The following SRGAP3 variants were observed in gnomAD, a reference collection of about 807,000 sequenced individuals.
SRGAP3 encodes the protein SLIT-ROBO Rho GTPase-activating protein 3.
SRGAP3 carries 39 observed loss-of-function variants against 121.1 expected under a neutral mutation model. The observed-to-expected ratio is 0.32, with a 90% CI of 0.25 to 0.42. The LOEUF is 0.42. SRGAP3 is among the 10% of genes least tolerant of loss of function. The pLI is 1.00. For synonymous variants in SRGAP3, 601 were observed against 570.0 expected (o/e 1.05, Z -0.77); for missense variants, 1,213 against 1,470.6 (o/e 0.82, Z 2.86).
intron 3 of SRGAP3, among the ~76,000 whole-genome samples, chr3:9,288,651 T>G (rs1243565665): frequency 6.6e-6 from 1 of 151,748 alleles, no homozygotes; most frequent in Non-Finnish European, 1.5e-5. Flanking sequence ...CAGAGCTTAC[T>G]GCAGCCTCCA....
In SRGAP3 at chr3:9,126,925, G is replaced by A. The variant is rs184605016; in HGVS notation, c.68-2008C>T. 1.7e-3 allele frequency among the ~76,000 whole-genome samples: 254 copies of A among 152,264 alleles called. 2 individuals are homozygous for A. The highest frequency in any genetic ancestry group is 2.9e-3 in the Non-Finnish European group (198 of 68,020). On this transcript the variant is annotated intron_variant, in intron 1 of 21. Transcript: ENST00000383836. ...ACACTTGTACTCCATAAATTTATAC[G>A]TAAATAAATACATGTACAAAGTTAT...
chr3:9,167,606 C>T (rs1229350275), intron 1 of SRGAP3, among the ~76,000 whole-genome samples: 1 of 152,138 alleles, frequency 6.6e-6, no homozygotes, highest in African/African-American at 2.4e-5. Flanking sequence ...CTTTCCCAAG[C>T]CCCTAGCTTT....
intron 1 of SRGAP3, among the ~76,000 whole-genome samples, chr3:9,351,680 G>A (rs1434027475): frequency 6.6e-6 from 1 of 152,088 alleles, no homozygotes; most frequent in Non-Finnish European, 1.5e-5. Context: ...CCTTTTTTAT[G>A]TTTAGATACA....
chr3:9,045,041 T>G (rs945424966), intron 10 of SRGAP3, among the ~76,000 whole-genome samples: 2 of 152,234 alleles, frequency 1.3e-5, no homozygotes, highest in African/African-American at 4.8e-5. Flanking sequence ...TTAATAATAA[T>G]GTACCATATT....
intron 1 of SRGAP3, among the ~76,000 whole-genome samples, chr3:9,335,375 AT>A (rs1356192144): frequency 1.3e-5 from 2 of 152,280 alleles, no homozygotes; most frequent in South Asian, 2.1e-4. Flanking sequence ...ATATTAACTA[AT>A]TTTTTTAAAT....
At chr3:9,325,493 A>G (rs1458850954) in intron 3 of SRGAP3, among the ~76,000 whole-genome samples, 1 of 151,988 alleles carries the variant, frequency 6.6e-6, no homozygotes, top group East Asian at 1.9e-4. Flanking sequence ...ACTTTCACAT[A>G]AGAATTTAAA....
At chr3:9,013,623 C>G in intron 16 of SRGAP3, 88 bp from the exon 17 acceptor site, 1 of 1,557,166 alleles carries the variant, frequency 6.4e-7, no homozygotes, top group Non-Finnish European at 8.8e-7. Flanking sequence ...CTATTCAAAT[C>G]CAGGAGGGTT....
chr3:9,111,428 C>T (rs985653469), intron 2 of SRGAP3, among the ~76,000 whole-genome samples: 2 of 152,184 alleles, frequency 1.3e-5, no homozygotes, highest in African/African-American at 2.4e-5. Context: ...TGGGCAAAGG[C>T]GCCTCAGGGC....
chr3:9,173,545 G>A (rs1398997391), intron 1 of SRGAP3, among the ~76,000 whole-genome samples: 3 of 152,174 alleles, frequency 2.0e-5, no homozygotes, highest in Non-Finnish European at 2.9e-5. Flanking sequence ...GAAGATGATG[G>A]GGAGAGGTGG....
Position 8,988,736 on chromosome 3 carries a change from G to C in SRGAP3, c.2886+1776C>G, listed in dbSNP as rs544948394. Among the ~76,000 whole-genome samples the C allele has an allele frequency of 6.0e-3, 828 of 137,070 alleles. 5 individuals carry two copies. Among genetic ancestry groups the C allele is most frequent in the African/African-American group, 0.025 (757 of 30,480 alleles). The allele number at this position is 137,070 out of a possible 152,430, so 89.9% of individuals were successfully genotyped here. ...CGTGGAAGACAATTTTTCCACAGAT[G>C]GGGGGTCAGGAGGATGCTTTCGGAT... On this transcript the variant is annotated intron_variant, in intron 21 of 21. Coordinates refer to ENST00000383836, the MANE Select transcript of SRGAP3 (RefSeq NM_014850.4).
intron 3 of SRGAP3, among the ~76,000 whole-genome samples, chr3:9,080,444 A>G (rs1278949498): frequency 6.6e-6 from 1 of 152,222 alleles, no homozygotes; most frequent in Non-Finnish European, 1.5e-5. Flanking sequence ...CCAGGGTCTG[A>G]GCTCCTTGCA....
chr3:9,264,084 A>G (rs1184309817), intron 3 of SRGAP3, among the ~76,000 whole-genome samples: 2 of 152,138 alleles, frequency 1.3e-5, no homozygotes, highest in Admixed American at 1.3e-4. Context: ...ATCAATAAAC[A>G]TAATCCATCA....
At chr3:9,156,564 T>C (rs1950423605) in intron 1 of SRGAP3, among the ~76,000 whole-genome samples, 1 of 152,152 alleles carries the variant, frequency 6.6e-6, no homozygotes, top group African/African-American at 2.4e-5. Context: ...CTTTCTAACC[T>C]CCTTTCCCAG....
intron 1 of SRGAP3, chr3:9,348,956 C>T: frequency 1.1e-6 from 1 of 940,366 alleles, no homozygotes; most frequent in Non-Finnish European, 1.8e-6. Context: ...AATAGTTCCC[C>T]AGATCAAGGA....
intron 1 of SRGAP3, among the ~76,000 whole-genome samples, chr3:9,126,397 C>T (rs1321722841): frequency 1.3e-5 from 2 of 152,092 alleles, no homozygotes; most frequent in African/African-American, 2.4e-5. Flanking sequence ...TTTGGGAGGC[C>T]GAGGCGGGTG....
chr3:9,336,678 G>A (rs1323698896), intron 1 of SRGAP3, among the ~76,000 whole-genome samples: 1 of 152,184 alleles, frequency 6.6e-6, no homozygotes, highest in Non-Finnish European at 1.5e-5. Context: ...GGGGTATTTA[G>A]AGAGTGAGGA....
intron 1 of SRGAP3, among the ~76,000 whole-genome samples, chr3:9,141,595 TGTG>T (rs1949854344): frequency 1.7e-4 from 26 of 149,848 alleles, no homozygotes; most frequent in Middle Eastern, 3.4e-3. Context: ...TGTGTGTGTG[TGTG>T]TGTGTTCTTT....
At chr3:8,986,005 C>T (rs1248974371) in intron 21 of SRGAP3, 73 bp from the exon 22 acceptor site, 1 of 1,595,772 alleles carries the variant, frequency 6.3e-7, no homozygotes, top group Non-Finnish European at 8.5e-7. Flanking sequence ...TGCTAAGCAG[C>T]TTCCCTTCGT....
At chr3:9,169,276 A>C in intron 1 of SRGAP3, among the ~76,000 whole-genome samples, 1 of 152,234 alleles carries the variant, frequency 6.6e-6, no homozygotes, top group East Asian at 1.9e-4. Context: ...TAATCATTAT[A>C]TATGAGACAT....
Sources: allele counts gnomAD v4.1 joint callset (sites outside exome capture counted in the v4.1 genomes callset), GRCh38; gene constraint gnomAD v4.1.1; transcripts MANE v1.5; gene names NCBI Gene and HGNC (gene_info 2026-07-23, HGNC 2026-07-21).